CDK14: variants seen among roughly 807,000 people sequenced by gnomAD.
CDK14 encodes cyclin dependent kinase 14.
CDK14 carries 34 observed loss-of-function variants against 60.7 expected under a neutral mutation model. The observed-to-expected ratio is 0.56, with a 90% CI of 0.43 to 0.75. The LOEUF (loss-of-function observed/expected upper bound fraction) is 0.75. Ranked by LOEUF, CDK14 falls within the 30% of genes least tolerant of loss-of-function variation. The pLI is 0.00. For synonymous variants in CDK14, 197 were observed against 203.7 expected (o/e 0.97, Z 0.28); for missense variants, 482 against 564.1 (o/e 0.85, Z 1.47).
intron 4 of CDK14, among the ~76,000 whole-genome samples, chr7:90,750,016 T>C (rs1207791207): frequency 6.6e-6 from 1 of 152,130 alleles, no homozygotes; most frequent in Non-Finnish European, 1.5e-5. Flanking sequence ...CTACTGGCTG[T>C]AGGTCAAACC....
At chr7:91,076,676 T>C (rs542164582) in intron 11 of CDK14, among the ~76,000 whole-genome samples, 1 of 152,276 alleles carries the variant, frequency 6.6e-6, no homozygotes, top group South Asian at 2.1e-4. Context: ...AAAGAGCTTC[T>C]GCACAGCAAA....
chr7:90,627,127 G>A (rs1032509264), intron 2 of CDK14, among the ~76,000 whole-genome samples: 5 of 151,928 alleles, frequency 3.3e-5, no homozygotes, highest in African/African-American at 1.2e-4. Context: ...AAATCTGCTT[G>A]TGTACTTTAT....
intron 10 of CDK14, among the ~76,000 whole-genome samples, chr7:91,028,592 T>C (rs1796670863): frequency 6.6e-6 from 1 of 152,182 alleles, no homozygotes; most frequent in African/African-American, 2.4e-5. Context: ...CCAACACCTA[T>C]TTTTTGACTT....
intron 4 of CDK14, among the ~76,000 whole-genome samples, chr7:90,770,778 A>G (rs1804755277): frequency 6.6e-6 from 1 of 152,134 alleles, no homozygotes; most frequent in South Asian, 2.1e-4. Context: ...CATGCCTACA[A>G]CTGATCCCAT....
intron 2 of CDK14, among the ~76,000 whole-genome samples, chr7:90,636,230 G>C (rs1366300513): frequency 9.4e-4 from 143 of 152,056 alleles, no homozygotes; most frequent in Non-Finnish European, 1.5e-3. Context: ...AAATGGAATG[G>C]TTCCAGTTTT....
chr7:90,835,524 C>G (rs1294775673), intron 5 of CDK14, among the ~76,000 whole-genome samples: 2 of 152,108 alleles, frequency 1.3e-5, no homozygotes, highest in African/African-American at 4.8e-5. Context: ...AGTCTCTGTG[C>G]AAGACAATGA....
chr7:90,748,789 G>A (rs1348204110), intron 4 of CDK14, among the ~76,000 whole-genome samples: 3 of 151,994 alleles, frequency 2.0e-5, no homozygotes, highest in Non-Finnish European at 4.4e-5. Flanking sequence ...GAATTTTCCT[G>A]TATTGCCCAG....
chr7:91,003,784 G>C (rs1228115201), intron 10 of CDK14, among the ~76,000 whole-genome samples: 1 of 152,164 alleles, frequency 6.6e-6, no homozygotes, highest in Non-Finnish European at 1.5e-5. Flanking sequence ...CTGGGTCACT[G>C]GGTGTTCATA....
At chr7:91,103,026 G>A (rs1341121179) in intron 12 of CDK14, among the ~76,000 whole-genome samples, 1 of 152,158 alleles carries the variant, frequency 6.6e-6, no homozygotes, top group Non-Finnish European at 1.5e-5. Flanking sequence ...GGCTGAGGCG[G>A]GCGGATCAAC....
intron 5 of CDK14, among the ~76,000 whole-genome samples, chr7:90,808,435 C>T (rs1788949674): frequency 6.6e-6 from 1 of 152,114 alleles, no homozygotes; most frequent in East Asian, 1.9e-4. Flanking sequence ...CTGTCACCAC[C>T]AGGCCTGCCA....
At chr7:90,604,277 A>G (rs373991142) in intron 2 of CDK14, 28 bp downstream of exon 2, 26 of 1,432,208 alleles carry the variant, frequency 1.8e-5, no homozygotes, top group South Asian at 4.0e-5. Context: ...ATCTAATGTT[A>G]GATGTATTTA....
intron 3 of CDK14, among the ~76,000 whole-genome samples, chr7:90,739,929 T>C (rs1562746658): frequency 6.6e-6 from 1 of 152,116 alleles, no homozygotes; most frequent in Non-Finnish European, 1.5e-5. Context: ...TGATGAAAAA[T>C]GCATGAGAAC....
At chr7:91,061,632 G>C (rs1405798880) in intron 11 of CDK14, among the ~76,000 whole-genome samples, 1 of 152,224 alleles carries the variant, frequency 6.6e-6, no homozygotes, top group Non-Finnish European at 1.5e-5. Flanking sequence ...AGGACCCTCA[G>C]CTGCAGGTCT....
intron 2 of CDK14, among the ~76,000 whole-genome samples, chr7:90,658,457 C>A (rs1075012): frequency 0.31 from 46,360 of 151,954 alleles, 7,955 homozygotes; most frequent in East Asian, 0.67. Context: ...GATCTAATTA[C>A]CTCCCCAGGG....
intron 14 of CDK14, among the ~76,000 whole-genome samples, chr7:91,171,992 T>C (rs1251944570): frequency 6.6e-6 from 1 of 152,216 alleles, no homozygotes; most frequent in Non-Finnish European, 1.5e-5. Flanking sequence ...TACAGTTGAT[T>C]AGATTTTTAA....
chr7:91,022,322 T>A (rs1324157814), intron 10 of CDK14, among the ~76,000 whole-genome samples: 3 of 152,216 alleles, frequency 2.0e-5, no homozygotes, highest in African/African-American at 7.2e-5. Context: ...TGACAATAGT[T>A]TCTCACTATT....
At chr7:90,943,880 GGT>G (rs1318222612) in intron 8 of CDK14, among the ~76,000 whole-genome samples, 1 of 152,128 alleles carries the variant, frequency 6.6e-6, no homozygotes, top group Non-Finnish European at 1.5e-5. Context: ...TTGGAAATTT[GGT>G]CCCTAGTGTG....
intron 2 of CDK14, among the ~76,000 whole-genome samples, chr7:90,715,676 T>C (rs1456033350): frequency 1.8e-4 from 18 of 100,118 alleles, no homozygotes; most frequent in African/African-American, 2.7e-4. Context: ...TTTTTTTTTT[T>C]CTAGAGTAAG....
chr7:91,123,735 TC>T (rs1369284028), intron 14 of CDK14, among the ~76,000 whole-genome samples: 1 of 152,042 alleles, frequency 6.6e-6, no homozygotes, highest in African/African-American at 2.4e-5. Context: ...CCCCTTCTTT[TC>T]TTTGGGTCAA....
Sources: gnomAD v4.1 joint callset for allele counts (sites outside exome capture counted in the v4.1 genomes callset) on GRCh38, gnomAD v4.1.1 for gene constraint, MANE v1.5 for transcripts, NCBI Gene and HGNC (gene_info 2026-07-23, HGNC 2026-07-21) for gene names.